The following CCSER1 variants were observed in gnomAD, a reference collection of about 807,000 sequenced individuals.
The protein encoded by CCSER1 is coiled-coil serine rich protein 1, also known as serine-rich coiled-coil domain-containing protein 1.
A neutral mutation model predicts 82.0 loss-of-function variants in CCSER1; 41 were observed. The observed-to-expected ratio is 0.50, with a 90% CI of 0.39 to 0.65. CCSER1 has a LOEUF of 0.65. Among genes scored for constraint, CCSER1 ranks in the 30% least tolerant of loss-of-function variants. The probability of loss-of-function intolerance (pLI) is 0.00; values close to 1 mark genes in which losing one functional copy is unlikely to be tolerated. For synonymous variants in CCSER1, 414 were observed against 383.9 expected, an observed-to-expected ratio of 1.08 and a Z score of -0.92; for missense variants, 1,119 against 1,064.2, an observed-to-expected ratio of 1.05 and a Z score of -0.72.
intron 1 of CCSER1, among the ~76,000 whole-genome samples, chr4:90,242,578 T>C (rs1720561397): frequency 6.6e-6 from 1 of 152,316 alleles, no homozygotes; most frequent in South Asian, 2.1e-4. Context: ...TAGTGAACAA[T>C]GTAGTAAGCT....
chr4:90,528,165 G>C (rs1009144925), intron 5 of CCSER1, among the ~76,000 whole-genome samples: 8 of 152,146 alleles, frequency 5.3e-5, no homozygotes, highest in African/African-American at 1.9e-4. Context: ...ATTGCAATAT[G>C]AAAATATACA....
chr4:91,122,540 A>G (rs1223649405), intron 10 of CCSER1, among the ~76,000 whole-genome samples: 1 of 151,744 alleles, frequency 6.6e-6, no homozygotes, highest in African/African-American at 2.4e-5. Flanking sequence ...TATTTTTAAA[A>G]TGATGCAAAC....
chr4:90,286,930 T>C (rs955872169), intron 1 of CCSER1, among the ~76,000 whole-genome samples: 2 of 151,996 alleles, frequency 1.3e-5, no homozygotes, highest in African/African-American at 4.8e-5. Flanking sequence ...AGTGAATTAA[T>C]CATTGCAGAA....
At chr4:90,164,623 G>A (rs779149975) in intron 1 of CCSER1, among the ~76,000 whole-genome samples, 12 of 152,234 alleles carry the variant, frequency 7.9e-5, no homozygotes, top group Admixed American at 3.9e-4. Context: ...TAAAGTAGCA[G>A]ATCCAGAAAT....
At chr4:91,053,138 T>G (rs1743151351) in intron 9 of CCSER1, among the ~76,000 whole-genome samples, 1 of 152,194 alleles carries the variant, frequency 6.6e-6, no homozygotes, top group South Asian at 2.1e-4. Flanking sequence ...AAAATGTCCT[T>G]GAAAAAACCA....
At chr4:90,422,544 A>G (rs1756856463) in intron 4 of CCSER1, among the ~76,000 whole-genome samples, 1 of 152,040 alleles carries the variant, frequency 6.6e-6, no homozygotes, top group Non-Finnish European at 1.5e-5. Context: ...GCTGTGAGTC[A>G]TGATTGCACC....
chr4:90,757,659 A>G (rs1749748224), intron 7 of CCSER1, among the ~76,000 whole-genome samples: 1 of 152,196 alleles, frequency 6.6e-6, no homozygotes, highest in Admixed American at 6.5e-5. Context: ...ATGGCTGAAG[A>G]GTCCACATCA....
intron 10 of CCSER1, among the ~76,000 whole-genome samples, chr4:91,307,838 A>G (rs1370606991): frequency 6.6e-6 from 1 of 151,976 alleles, no homozygotes; most frequent in Non-Finnish European, 1.5e-5. Context: ...AGTGCTATTA[A>G]AAATATTGGT....
intron 10 of CCSER1, among the ~76,000 whole-genome samples, chr4:91,529,138 G>A (rs1760906229): frequency 6.6e-6 from 1 of 151,952 alleles, no homozygotes; most frequent in Non-Finnish European, 1.5e-5. Flanking sequence ...TAATGACATT[G>A]GCATACCCAT....
chr4:91,385,955 T>C (rs1168530694), intron 10 of CCSER1, among the ~76,000 whole-genome samples: 1 of 151,910 alleles, frequency 6.6e-6, no homozygotes, highest in African/African-American at 2.4e-5. Flanking sequence ...TCCATGTGTA[T>C]TTATACATAC....
At chr4:90,365,536 C>T (rs1322260401) in intron 3 of CCSER1, among the ~76,000 whole-genome samples, 1 of 151,726 alleles carries the variant, frequency 6.6e-6, no homozygotes, top group Non-Finnish European at 1.5e-5. Context: ...TTTTAAAATT[C>T]ATGTGTGCCT....
At chr4:91,192,915 C>G (rs138309740) in intron 10 of CCSER1, among the ~76,000 whole-genome samples, 146 of 152,222 alleles carry the variant, frequency 9.6e-4, no homozygotes, top group Admixed American at 9.0e-3. Flanking sequence ...TTTGATCAAG[C>G]TGTTTTTCCT....
chr4:90,625,196 A>G (rs1218526488), intron 5 of CCSER1, among the ~76,000 whole-genome samples: 2 of 152,144 alleles, frequency 1.3e-5, no homozygotes, highest in East Asian at 1.9e-4. Flanking sequence ...ACCAGCCTTA[A>G]TATGTTGTCT....
At chr4:90,759,844 C>T (rs1214822322) in intron 7 of CCSER1, among the ~76,000 whole-genome samples, 5 of 151,916 alleles carry the variant, frequency 3.3e-5, no homozygotes, top group African/African-American at 9.7e-5. Context: ...ATGACCAAAT[C>T]AAGAGCAAAA....
intron 1 of CCSER1, among the ~76,000 whole-genome samples, chr4:90,243,960 T>C (rs1578718094): frequency 6.6e-6 from 1 of 152,278 alleles, no homozygotes; most frequent in Non-Finnish European, 1.5e-5. Flanking sequence ...TAGATTCTTA[T>C]TAAACTTTGC....
At chr4:90,763,622 C>T (rs994447446) in intron 7 of CCSER1, among the ~76,000 whole-genome samples, 20 of 152,088 alleles carry the variant, frequency 1.3e-4, no homozygotes, top group South Asian at 4.2e-4. Context: ...CCATTTAAGT[C>T]CCATGGCTCT....
At chr4:90,855,975 G>T (rs1286176319) in intron 8 of CCSER1, among the ~76,000 whole-genome samples, 1 of 151,878 alleles carries the variant, frequency 6.6e-6, no homozygotes, top group Non-Finnish European at 1.5e-5. Context: ...ATATTAATAT[G>T]AACTAGGTTA....
intron 10 of CCSER1, among the ~76,000 whole-genome samples, chr4:91,395,663 GT>G (rs573601196): frequency 3.3e-5 from 5 of 151,830 alleles, no homozygotes; most frequent in Non-Finnish European, 5.9e-5. Context: ...AGAATAGGGT[GT>G]TTTTTTTATA....
intron 10 of CCSER1, among the ~76,000 whole-genome samples, chr4:91,575,050 A>AATAAACTCATGT (rs1763379884): frequency 6.6e-6 from 1 of 152,150 alleles, no homozygotes; most frequent in East Asian, 1.9e-4. Flanking sequence ...AAATCCCAGA[A>AATAAACTCATGT]ATAAACTCAT....
Sources: gnomAD v4.1 joint callset for allele counts (sites outside exome capture counted in the v4.1 genomes callset) on GRCh38, gnomAD v4.1.1 for gene constraint, MANE v1.5 for transcripts, NCBI Gene and HGNC (gene_info 2026-07-23, HGNC 2026-07-21) for gene names.